Variants in MROH7 observed in about 807,000 individuals in gnomAD.
MROH7 encodes maestro heat-like repeat-containing protein family member 7.
Under a neutral mutation model 129.2 loss-of-function variants are expected in MROH7, and 113 were observed. That is an observed-to-expected ratio of 0.87 (90% CI 0.75 to 1.02). The LOEUF (loss-of-function observed/expected upper bound fraction) is 1.02, where lower values mean the gene tolerates loss of function less well. Ranked by LOEUF, MROH7 falls within the 50% of genes least tolerant of loss-of-function variation. MROH7 has a pLI of 0.00. For synonymous variants in MROH7, 655 were observed against 667.9 expected, an observed-to-expected ratio of 0.98 and a Z score of 0.30; for missense variants, 1,601 against 1,671.3, an observed-to-expected ratio of 0.96 and a Z score of 0.73.
At position 54,702,255 on chromosome 1, in the gene MROH7, C is replaced by T. The variant is rs1474631990; in HGVS notation, c.3441+10C>T. On this transcript the variant is annotated intron_variant, in intron 20 of 23. Coordinates refer to ENST00000421030, the MANE Select transcript of MROH7 (RefSeq NM_001039464.4). ...CTCCAAGGTAAGCCAGGTGAGTGTG[C>T]GTGGGCCCTGCACCCTCTACCCCTC... The T allele has an allele frequency of 1.2e-5, 18 of 1,496,440 alleles. No homozygotes were observed. The highest frequency in any genetic ancestry group is 2.2e-5 in the Admixed American group (1 of 45,066). 92.7% of individuals were successfully genotyped at this position (1,496,440 alleles called of 1,614,324 possible). A position where few individuals can be genotyped will look rare whatever the true frequency, so the allele number is the denominator to read the frequency against.
chr1:54,694,797 T>C (rs372119138), intron 16 of MROH7, among the ~76,000 whole-genome samples: 1 of 152,264 alleles, frequency 6.6e-6, no homozygotes. Flanking sequence ...TCCCAGCTGA[T>C]GCTAATACTC....
chr1:54,708,680 G>A (rs765288335), intron 22 of MROH7, among the ~76,000 whole-genome samples: 27 of 152,190 alleles, frequency 1.8e-4, no homozygotes, highest in Non-Finnish European at 3.8e-4. Flanking sequence ...ACTCCCCATA[G>A]AAGTGGACAG....
intron 10 of MROH7, among the ~76,000 whole-genome samples, chr1:54,677,472 G>A (rs1318806041): frequency 6.6e-6 from 1 of 152,224 alleles, no homozygotes; most frequent in African/African-American, 2.4e-5. Context: ...GGGGACTACA[G>A]GCGTGAGCCA....
At position 54,702,153 on chromosome 1, in the gene MROH7, G is replaced by A. The variant is rs1462936042; in HGVS notation, c.3349G>A (p.Ala1117Thr). ...LYGKVVQKLR[A>T]PRTQAMEEQL... ...TGGGAAGGTGGTCCAGAAGCTTCGG[G>A]CACCACGCACTCAGGCCATGGAGGA... is the stretch of plus-strand genomic sequence containing the variant. The change falls in exon 20 of 24, where the codon GCA becomes ACA. Residue 1117 changes from alanine to threonine, a missense_variant. Transcript: ENST00000421030. 6.2e-7 allele frequency: 1 copy of A among 1,611,074 alleles called. No individual in the cohort carries two copies. Among genetic ancestry groups the A allele is most frequent in the African/African-American group, 1.3e-5 (1 of 74,732 alleles).
chr1:54,707,538 G>A (rs984833246), intron 22 of MROH7, among the ~76,000 whole-genome samples: 3 of 152,190 alleles, frequency 2.0e-5, no homozygotes, highest in African/African-American at 7.2e-5. Context: ...CAATGCTGGT[G>A]CAGAAGAAAA....
chr1:54,657,478 C>A (rs530505), intron 3 of MROH7, among the ~76,000 whole-genome samples: 59,018 of 151,844 alleles, frequency 0.39, 11,723 homozygotes, highest in South Asian at 0.56. Flanking sequence ...TGCTGGGATC[C>A]AGTGATTCTT....
In MROH7 at chr1:54,662,643, T is replaced by C. The variant is rs182389722; in HGVS notation, c.1232-2524T>C. Among the ~76,000 whole-genome samples the C allele has an allele frequency of 4.3e-3, 656 of 152,334 alleles. 5 individuals are homozygous for C. Among genetic ancestry groups the C allele is most frequent in the Middle Eastern group, 0.017 (5 of 294 alleles). The stretch of plus-strand genomic sequence containing the variant: ...ATCACCCCTGAATTTCAGAGTGTAC[T>C]TCTTACAAAAAAGGATAAAATATAA... On this transcript the variant is annotated intron_variant, in intron 3 of 23. Coordinates refer to ENST00000421030, the MANE Select transcript of MROH7 (RefSeq NM_001039464.4).
At chr1:54,702,911 C>G (rs1645463454) in intron 21 of MROH7, among the ~76,000 whole-genome samples, 166 bp downstream of exon 21, 1 of 152,132 alleles carries the variant, frequency 6.6e-6, no homozygotes, top group Admixed American at 6.5e-5. Context: ...CTCCTGACTT[C>G]TAGTGTGTTC....
intron 10 of MROH7, among the ~76,000 whole-genome samples, chr1:54,675,458 T>C (rs1569920017): frequency 6.6e-6 from 1 of 152,296 alleles, no homozygotes; most frequent in East Asian, 1.9e-4. Context: ...GACAAAGATC[T>C]GGTCCCTGGG....
rs1207501709 is a variant in MROH7, at chr1:54,673,696, C to T, written c.1696-5C>T. On this transcript the variant is annotated splice_polypyrimidine_tract_variant and splice_region_variant and intron_variant, in intron 8 of 23. Coordinates refer to ENST00000421030, the MANE Select transcript of MROH7 (RefSeq NM_001039464.4). ...TAGTTCTGAGTCTTGCTTTTGATCC[C>T]ACAGGCCCTGGGGCCTTGGATGAAC... The T allele has an allele frequency of 1.2e-6, 2 of 1,611,550 alleles. No homozygotes were observed. The highest frequency in any genetic ancestry group is 1.7e-6 in the Non-Finnish European group (2 of 1,177,658).
At chr1:54,691,217 T>A (rs1302389714) in intron 15 of MROH7, among the ~76,000 whole-genome samples, 1 of 152,140 alleles carries the variant, frequency 6.6e-6, no homozygotes, top group African/African-American at 2.4e-5. Context: ...TGGCACACAT[T>A]TCAAAGAATA....
rs1439007664 is a variant in MROH7, at chr1:54,670,893, G to T, written c.1563G>T (p.Met521Ile). ...SVFSLPSVQA[M>I]QEKDEAKAET... ...TCTCCCTGCCCTCCGTGCAGGCGAT[G>T]CAGGAGAAGGACGAGGCCAAGGCTG... The change falls in exon 7 of 24, where the codon ATG becomes ATT. Residue 521 changes from methionine to isoleucine, a missense_variant. By Grantham distance (10) the Met-to-Ile change is conservative (BLOSUM62 1). Coordinates refer to ENST00000421030, the MANE Select transcript of MROH7 (RefSeq NM_001039464.4). The T allele has an allele frequency of 6.2e-7, 1 of 1,611,312 alleles. No individual in the cohort carries two copies. Among genetic ancestry groups the T allele is most frequent in the Admixed American group, 1.7e-5 (1 of 59,584 alleles).
At chr1:54,664,592 G>A (rs1376286669) in intron 3 of MROH7, among the ~76,000 whole-genome samples, 3 of 152,262 alleles carry the variant, frequency 2.0e-5, no homozygotes, top group African/African-American at 7.2e-5. Context: ...CTGCAGAGGA[G>A]GGCAGGGCAC....
chr1:54,673,819 G>A lies in MROH7; in HGVS notation c.1800+14G>A, dbSNP rs771583174. 1.3e-6 allele frequency: 2 copies of A among 1,597,050 alleles called. No homozygotes were observed. Among genetic ancestry groups the A allele is most frequent in the South Asian group, 2.2e-5 (2 of 90,686 alleles). On this transcript the variant is annotated intron_variant, in intron 9 of 23. Coordinates refer to ENST00000421030, the MANE Select transcript of MROH7 (RefSeq NM_001039464.4). The stretch of plus-strand genomic sequence containing the variant: ...CTGCCTTTCTTTGTGAGTGGCCCCT[G>A]GGAGGGGTGGACACTCTTAGGGAAA...
intron 1 of MROH7, chr1:54,651,628 C>G (rs999847042): frequency 1.3e-5 from 2 of 152,230 alleles, no homozygotes; most frequent in East Asian, 3.9e-4. Context: ...TTTGGGTCTG[C>G]TAACAACTGG....
intron 1 of MROH7, among the ~76,000 whole-genome samples, chr1:54,643,323 A>G (rs1381543159): frequency 6.6e-6 from 1 of 152,296 alleles, no homozygotes; most frequent in Non-Finnish European, 1.5e-5. Context: ...GGGGAAGTTT[A>G]TAGGAAGAGG....
chr1:54,661,063 TA>T (rs1644725280), intron 3 of MROH7, among the ~76,000 whole-genome samples: 1 of 151,964 alleles, frequency 6.6e-6, no homozygotes, highest in African/African-American at 2.4e-5. Context: ...TTTGCTCATT[TA>T]AAAAAGTTGG....
At chr1:54,698,874 A>C (rs1376820306) in intron 17 of MROH7, 1 of 150,594 alleles carries the variant, frequency 6.6e-6, no homozygotes, top group Non-Finnish European at 1.5e-5. Context: ...GCTCACTGCA[A>C]CCTCCCCCTC....
At chr1:54,695,623 A>C in intron 17 of MROH7, 133 bp downstream of exon 17, 1 of 719,492 alleles carries the variant, frequency 1.4e-6, no homozygotes, top group Non-Finnish European at 2.6e-6. Flanking sequence ...TCTCTTGACT[A>C]TGATGATCTT....
Sources: gnomAD v4.1 joint callset for allele counts (sites outside exome capture counted in the v4.1 genomes callset) on GRCh38, gnomAD v4.1.1 for gene constraint, MANE v1.5 for transcripts, NCBI Gene and HGNC (gene_info 2026-07-23, HGNC 2026-07-21) for gene names.